The following PHF2 variants were observed in gnomAD, a reference collection of about 807,000 sequenced individuals.
PHF2 encodes PHD finger protein 2.
Under a neutral mutation model 120.5 loss-of-function variants are expected in PHF2, and 27 were observed. That is an observed-to-expected ratio of 0.22 (90% CI 0.17 to 0.31). The LOEUF is 0.31. Among genes scored for constraint, PHF2 ranks in the 10% least tolerant of loss-of-function variants. PHF2 has a pLI of 1.00. For missense variants in PHF2, 1,024 were observed against 1,434.8 expected (o/e 0.71, Z 4.63); for synonymous variants, 568 against 592.5 (o/e 0.96, Z 0.60).
Position 93,656,079 on chromosome 9 carries a change from C to G in PHF2, c.1040+58C>G. ...CCGCAGAGCAGCGTCCTCCCTCTAG[C>G]TGGGTCGGTGCTAGATGCCTTGGGC... On this transcript the variant is annotated intron_variant, in intron 8 of 21. Transcript: ENST00000359246. The surrounding 1 kb of genome is among the most constrained non-coding windows in gnomAD (Gnocchi z 4.1). 1 of 1,449,154 alleles carries G rather than the reference C, an allele frequency of 6.9e-7. No homozygotes were observed. The highest frequency in any genetic ancestry group is 9.5e-7 in the Non-Finnish European group (1 of 1,050,826). The allele number at this position is 1,449,154 out of a possible 1,614,324, so 89.8% of individuals were successfully genotyped here. A position where few individuals can be genotyped will look rare whatever the true frequency, so the allele number is the denominator to read the frequency against.
At chr9:93,622,374 C>A (rs1400423597) in intron 1 of PHF2, among the ~76,000 whole-genome samples, 1 of 152,198 alleles carries the variant, frequency 6.6e-6, no homozygotes, top group Admixed American at 6.5e-5. Context: ...CTTTAAGTAG[C>A]ATTGCAAGAG....
intron 5 of PHF2, among the ~76,000 whole-genome samples, chr9:93,651,323 T>C (rs10992826): frequency 0.022 from 3,384 of 152,212 alleles, 78 homozygotes; most frequent in East Asian, 0.1. Context: ...TAGGGAGAGA[T>C]GGTACTTTGG....
At chr9:93,593,105 A>AAAAGGG (rs1554790885) in intron 1 of PHF2, among the ~76,000 whole-genome samples, 2 of 122,714 alleles carry the variant, frequency 1.6e-5, no homozygotes, top group Admixed American at 8.5e-5. Flanking sequence ...AAAAAAAAAA[A>AAAAGGG]AAAAAAGAAA....
At chr9:93,668,754 C>T (rs989300906) in intron 17 of PHF2, among the ~76,000 whole-genome samples, 15 of 152,216 alleles carry the variant, frequency 9.9e-5, no homozygotes, top group African/African-American at 2.4e-4. Flanking sequence ...AGAGCTTCCC[C>T]GCCCCGCACA....
rs1826696873 is a variant in PHF2 at position 93,667,125 on chromosome 9, A to G, written c.2233A>G (p.Thr745Ala). The G allele has an allele frequency of 1.2e-6, 2 of 1,613,208 alleles. No individual in the cohort carries two copies. Among genetic ancestry groups the G allele is most frequent in the South Asian group, 1.1e-5 (1 of 91,076 alleles). ...GGGTTCGCTGCACATCGACACAGAC[A>G]CCAAGCCCGGCCGCAATGCCAGAGT... ...DEGSLHIDTD[T>A]KPGRNARVKK... is the part of the protein sequence containing the mutation. The change falls in exon 17 of 22, where the codon ACC (threonine) becomes GCC (alanine). Residue 745 changes from threonine to alanine, a missense_variant. Transcript: ENST00000359246.
rs1826536060 is a variant in PHF2 at position 93,660,204 on chromosome 9, G to A, written c.1342G>A (p.Ala448Thr). The A allele has an allele frequency of 1.3e-6, 2 of 1,563,496 alleles. No homozygotes were observed. The highest frequency in any genetic ancestry group is 2.8e-5 in the African/African-American group (2 of 72,702). The change falls in exon 12 of 22, where the codon GCC (alanine) becomes ACC (threonine). Residue 448 changes from alanine (A) to threonine (T), a missense_variant. Ala to Thr is a moderately conservative substitution (Grantham distance 58, BLOSUM62 0). Coordinates refer to ENST00000359246, the MANE Select transcript of PHF2 (RefSeq NM_005392.4). The part of the protein sequence containing the change: ...EIRLSENASK[A>T]VRPEVNTVAS... ...TTCTGTATCCCAGAATGCCTCCAAA[G>A]CCGTCCGACCGGAAGTGAATACTGT...
At chr9:93,593,366 G>A (rs982143521) in intron 1 of PHF2, among the ~76,000 whole-genome samples, 16 of 152,092 alleles carry the variant, frequency 1.1e-4, no homozygotes, top group Non-Finnish European at 1.6e-4. Context: ...ATATGACCTC[G>A]GACTACATTT....
At chr9:93,586,132 G>A (rs951468181) in intron 1 of PHF2, among the ~76,000 whole-genome samples, 2 of 152,246 alleles carry the variant, frequency 1.3e-5, no homozygotes, top group African/African-American at 4.8e-5. Context: ...GGTGAAGTGG[G>A]GCTTTGGGAG....
At chr9:93,654,367 C>T in intron 6 of PHF2, 46 bp from the exon 7 acceptor site, 2 of 1,590,652 alleles carry the variant, frequency 1.3e-6, no homozygotes, top group Non-Finnish European at 1.7e-6. Context: ...ACCCCCGACC[C>T]CCGCATCCCA....
chr9:93,665,841 A>G lies in PHF2; in HGVS notation c.2093A>G (p.Asn698Ser). The G allele has an allele frequency of 6.3e-7, 1 of 1,580,724 alleles. No individual in the cohort carries two copies. Reference protein sequence around the residue: ...IDEFPIRRKKNAPKRDLSFLL... With the variant: ...IDEFPIRRKKSAPKRDLSFLL... Reference sequence around the variant, plus strand: ...GAGTTTCCCATCAGGAGGAAGAAAAACGCCCCGAAAAGGGACTTGTCCTGT... The same window carrying G: ...GAGTTTCCCATCAGGAGGAAGAAAAGCGCCCCGAAAAGGGACTTGTCCTGT... The change falls in exon 15 of 22, where the codon AAC becomes AGC. Residue 698 changes from asparagine (N) to serine (S), a missense_variant. Physicochemically the swap from Asn to Ser is conservative, Grantham distance 46 (BLOSUM62 1). This residue lies in a region of PHF2 where 677 missense variants were observed against 857.4 expected (regional missense o/e 0.79). Transcript: ENST00000359246.
chr9:93,586,157 G>C (rs1366702289), intron 1 of PHF2, among the ~76,000 whole-genome samples: 1 of 152,208 alleles, frequency 6.6e-6, no homozygotes, highest in Non-Finnish European at 1.5e-5. Flanking sequence ...CACTGAACCC[G>C]GGGAGAGGGA....
At chr9:93,650,814 T>A (rs1416703007) in intron 5 of PHF2, among the ~76,000 whole-genome samples, 1 of 152,054 alleles carries the variant, frequency 6.6e-6, no homozygotes, top group Non-Finnish European at 1.5e-5. Context: ...AAGGCGCGGG[T>A]GGCTAAGGAT....
chr9:93,631,284 G>A (rs1385269950), intron 2 of PHF2, among the ~76,000 whole-genome samples: 1 of 152,190 alleles, frequency 6.6e-6, no homozygotes, highest in Non-Finnish European at 1.5e-5. Flanking sequence ...GTCTATTGCT[G>A]GACAGCGGTG....
chr9:93,662,757 T>G, intron 12 of PHF2, 150 bp from the exon 13 acceptor site: 1 of 792,486 alleles, frequency 1.3e-6, no homozygotes, highest in Non-Finnish European at 2.1e-6. Flanking sequence ...GGTACATCGA[T>G]GGGTGGGTGA....
At chr9:93,591,076 A>C (rs932252488) in intron 1 of PHF2, among the ~76,000 whole-genome samples, 9 of 151,420 alleles carry the variant, frequency 5.9e-5, no homozygotes, top group African/African-American at 2.2e-4. Context: ...CTCAGCAGAC[A>C]TGTGGTGGGT....
intron 2 of PHF2, among the ~76,000 whole-genome samples, chr9:93,634,234 C>T (rs1259754010): frequency 6.6e-6 from 1 of 152,156 alleles, no homozygotes; most frequent in Non-Finnish European, 1.5e-5. Context: ...CCCTTGATAT[C>T]CACACCTCCC....
intron 1 of PHF2, among the ~76,000 whole-genome samples, chr9:93,604,487 C>CA: frequency 6.7e-6 from 1 of 149,176 alleles, no homozygotes; most frequent in Non-Finnish European, 1.5e-5. Context: ...TTTTTTGAGA[C>CA]AGAGTCTCGC....
At chr9:93,622,899 T>G (rs1390605129) in intron 1 of PHF2, among the ~76,000 whole-genome samples, 1 of 152,168 alleles carries the variant, frequency 6.6e-6, no homozygotes, top group Non-Finnish European at 1.5e-5. Context: ...ACCTTCTGCC[T>G]GAGGGTCAGC....
At chr9:93,662,434 G>A (rs1373605538) in intron 12 of PHF2, among the ~76,000 whole-genome samples, 4 of 151,582 alleles carry the variant, frequency 2.6e-5, no homozygotes, top group Non-Finnish European at 4.4e-5. Flanking sequence ...AAAATGGATG[G>A]ATGGATAAAT....
Sources: gnomAD v4.1 joint callset for allele counts (sites outside exome capture counted in the v4.1 genomes callset) on GRCh38, gnomAD v4.1.1 for gene constraint, gnomAD v4.1.1 regional missense constraint, Gnocchi (gnomAD v3.1) non-coding constraint, MANE v1.5 for transcripts, NCBI Gene and HGNC (gene_info 2026-07-23, HGNC 2026-07-21) for gene names.